The following RBFOX1 variants were observed in gnomAD, a reference collection of about 807,000 sequenced individuals.
RBFOX1 encodes the protein RNA binding protein fox-1 homolog 1.
In RBFOX1, 8 loss-of-function variants were observed where a neutral mutation model predicts 57.7. The observed-to-expected ratio is 0.14, with a 90% CI of 0.08 to 0.25. The LOEUF is 0.25. Ranked by LOEUF, RBFOX1 falls within the 10% of genes least tolerant of loss-of-function variation. RBFOX1 has a pLI of 1.00. For synonymous variants in RBFOX1, 326 were observed against 222.4 expected (o/e 1.47, Z -4.15); for missense variants, 611 against 548.5 (o/e 1.11, Z -1.14).
At chr16:5,744,225 A>G (rs940459953) in intron 3 of RBFOX1, among the ~76,000 whole-genome samples, 1 of 151,892 alleles carries the variant, frequency 6.6e-6, no homozygotes. Context: ...TGAAACCCCT[A>G]CTCAAACATT....
intron 4 of RBFOX1, among the ~76,000 whole-genome samples, chr16:7,432,723 T>A (rs932532738): frequency 6.6e-6 from 1 of 152,220 alleles, no homozygotes; most frequent in Non-Finnish European, 1.5e-5. Flanking sequence ...GGCCATAGTT[T>A]GAGAGCCCTG....
At chr16:6,296,108 C>G (rs563714625) in intron 1 of RBFOX1, among the ~76,000 whole-genome samples, 1 of 152,310 alleles carries the variant, frequency 6.6e-6, no homozygotes, top group African/African-American at 2.4e-5. Context: ...AGACATTTAT[C>G]GAGCATTTTG....
At chr16:5,568,810 C>G (rs1033595453) in intron 2 of RBFOX1, among the ~76,000 whole-genome samples, 3 of 152,116 alleles carry the variant, frequency 2.0e-5, no homozygotes, top group Admixed American at 1.3e-4. Context: ...CCAAATGACT[C>G]AACCTGGCTT....
At chr16:5,851,294 T>G in intron 3 of RBFOX1, among the ~76,000 whole-genome samples, 1 of 152,230 alleles carries the variant, frequency 6.6e-6, no homozygotes, top group East Asian at 1.9e-4. Flanking sequence ...CAAGATGCTC[T>G]GCCCAGTGTG....
At position 6,333,664 on chromosome 16, in the gene RBFOX1, C is replaced by T. The variant is rs1279641515; in HGVS notation, c.-64+16607C>T. On this transcript the variant is annotated intron_variant, in intron 2 of 15. Transcript: ENST00000550418. Reference sequence around the variant, plus strand: ...TCAGAAATGGATACAGGCTTATTTTCGTGGATGGACTTAAGTTTAGAATAG... The same window carrying T: ...TCAGAAATGGATACAGGCTTATTTTTGTGGATGGACTTAAGTTTAGAATAG... Among the ~76,000 whole-genome samples the T allele has an allele frequency of 3.3e-5, 5 of 152,078 alleles. No individual in the cohort carries two copies. In the South Asian group the frequency reaches 6.2e-4, roughly 19 times the overall value.
intron 3 of RBFOX1, among the ~76,000 whole-genome samples, chr16:7,030,120 C>T (rs1376489712): frequency 5.3e-5 from 8 of 152,034 alleles, no homozygotes; most frequent in African/African-American, 1.2e-4. Context: ...GTAGATTGGC[C>T]CATAACCCTG....
chr16:7,123,356 G>C lies in RBFOX1; in HGVS notation c.27+71258G>C, dbSNP rs532478126. On this transcript the variant is annotated intron_variant, in intron 4 of 15. Transcript: ENST00000550418. ...AATGAAAAAGTGTAGAATTACCATT[G>C]TTATTATTATTTATTTATTATTTTT... Among the ~76,000 whole-genome samples the C allele has an allele frequency of 2.4e-3, 359 of 152,084 alleles. 4 individuals carry two copies. The highest frequency in any genetic ancestry group is 8.3e-3 in the African/African-American group (346 of 41,476).
At chr16:5,807,401 A>T (rs948373305) in intron 3 of RBFOX1, among the ~76,000 whole-genome samples, 1 of 152,260 alleles carries the variant, frequency 6.6e-6, no homozygotes, top group South Asian at 2.1e-4. Context: ...GGTCCCTGCC[A>T]GGTCATCTCA....
intron 4 of RBFOX1, among the ~76,000 whole-genome samples, chr16:7,507,682 A>T (rs1446727151): frequency 8.3e-5 from 12 of 143,956 alleles, no homozygotes; most frequent in African/African-American, 2.8e-4. Context: ...TTCTGCCTCA[A>T]CCTCCCAAGT....
chr16:5,352,178 G>C (rs557042042), intron 1 of RBFOX1, among the ~76,000 whole-genome samples: 40 of 152,182 alleles, frequency 2.6e-4, no homozygotes, highest in Non-Finnish European at 5.3e-4. Context: ...TTATTCAGCG[G>C]ATGCTGCTTC....
chr16:5,476,593 G>A (rs2069333284), intron 2 of RBFOX1, among the ~76,000 whole-genome samples: 1 of 152,230 alleles, frequency 6.6e-6, no homozygotes, highest in Non-Finnish European at 1.5e-5. Context: ...GGGTCATTGT[G>A]GAGTTGAAGC....
intron 1 of RBFOX1, among the ~76,000 whole-genome samples, chr16:6,305,549 C>T (rs1332933199): frequency 2.0e-5 from 3 of 151,696 alleles, no homozygotes; most frequent in African/African-American, 7.3e-5. Flanking sequence ...TAATTTCCAT[C>T]ACTTTTACCT....
chr16:6,846,683 A>T (rs1304172261), intron 3 of RBFOX1, among the ~76,000 whole-genome samples: 1 of 152,212 alleles, frequency 6.6e-6, no homozygotes, highest in Non-Finnish European at 1.5e-5. Context: ...AAATTTCATG[A>T]ATGGTAACGT....
chr16:6,700,908 C>T (rs1176735978), intron 3 of RBFOX1, among the ~76,000 whole-genome samples: 2 of 152,106 alleles, frequency 1.3e-5, no homozygotes, highest in East Asian at 1.9e-4. Flanking sequence ...TTGCTAGTCA[C>T]GTCCTCGGAC....
chr16:7,508,514 G>A (rs1297728682), intron 4 of RBFOX1, among the ~76,000 whole-genome samples: 2 of 152,100 alleles, frequency 1.3e-5, no homozygotes, highest in Admixed American at 6.5e-5. Context: ...TATGTGGTTA[G>A]AGAGGGGAGC....
At chr16:7,296,363 T>C (rs75565250) in intron 4 of RBFOX1, among the ~76,000 whole-genome samples, 7,653 of 151,962 alleles carry the variant, frequency 0.05, 255 homozygotes, top group South Asian at 0.15. Flanking sequence ...TGTATGAATG[T>C]ACTACCTTGG....
intron 4 of RBFOX1, among the ~76,000 whole-genome samples, chr16:7,422,581 G>T (rs1325534726): frequency 3.9e-5 from 6 of 152,134 alleles, no homozygotes. Flanking sequence ...TGCATTAACC[G>T]GATGGAGCAG....
chr16:7,635,452 G>A (rs142687343), intron 11 of RBFOX1, among the ~76,000 whole-genome samples: 35 of 152,184 alleles, frequency 2.3e-4, no homozygotes, highest in Admixed American at 2.6e-4. Context: ...GTAATAATGT[G>A]GGAATAATAT....
At chr16:7,567,266 CCT>C (rs2091984634) in intron 5 of RBFOX1, among the ~76,000 whole-genome samples, 1 of 113,944 alleles carries the variant, frequency 8.8e-6, no homozygotes, top group Admixed American at 9.4e-5. Flanking sequence ...TATATATATC[CCT>C]ATATATATAT....
Sources: allele counts gnomAD v4.1 joint callset (sites outside exome capture counted in the v4.1 genomes callset), GRCh38; gene constraint gnomAD v4.1.1; transcripts MANE v1.5; gene names NCBI Gene and HGNC (gene_info 2026-07-23, HGNC 2026-07-21).